The following IL1RAPL1 variants were observed in gnomAD, a reference collection of about 807,000 sequenced individuals.
IL1RAPL1 encodes interleukin-1 receptor accessory protein-like 1.
A neutral mutation model predicts 48.4 loss-of-function variants in IL1RAPL1; 3 were observed. The ratio of observed to expected loss-of-function variants is 0.06; its 90% CI spans 0.03 to 0.16. The LOEUF (loss-of-function observed/expected upper bound fraction) is 0.16. IL1RAPL1 is among the 10% of genes least tolerant of loss of function. IL1RAPL1 has a pLI of 1.00. For missense variants in IL1RAPL1, 349 were observed against 530.6 expected, an observed-to-expected ratio of 0.66 and a Z score of 3.36; for synonymous variants, 185 against 187.7, an observed-to-expected ratio of 0.99 and a Z score of 0.12.
intron 3 of IL1RAPL1, among the ~76,000 whole-genome samples, chrX:29,388,501 A>T (rs763234712): frequency 8.9e-6 from 1 of 112,416 alleles, no homozygotes; most frequent in Non-Finnish European, 1.9e-5. Context: ...CATTATTCAC[A>T]ATAGCTAAAA....
intron 1 of IL1RAPL1, among the ~76,000 whole-genome samples, chrX:28,620,138 A>C (rs1934269738): frequency 9.1e-6 from 1 of 110,377 alleles, no homozygotes; most frequent in South Asian, 3.8e-4. Flanking sequence ...GACCATAGGC[A>C]CTCTCTTTCC....
At chrX:29,657,986 AT>A (rs1376561830) in intron 5 of IL1RAPL1, among the ~76,000 whole-genome samples, 5 of 110,498 alleles carry the variant, frequency 4.5e-5, no homozygotes, top group African/African-American at 6.6e-5. Flanking sequence ...TTTTCTCACC[AT>A]TTTTTCTTTA....
At chrX:29,940,918 T>C (rs1403605370) in intron 8 of IL1RAPL1, among the ~76,000 whole-genome samples, 1 of 111,437 alleles carries the variant, frequency 9.0e-6, no homozygotes, top group African/African-American at 3.2e-5. Flanking sequence ...ATTCATATAC[T>C]GTCCCATCCA....
intron 2 of IL1RAPL1, among the ~76,000 whole-genome samples, chrX:29,236,700 C>A (rs1468103658): frequency 9.7e-6 from 1 of 103,602 alleles, no homozygotes; most frequent in African/African-American, 3.5e-5. Context: ...GTAGCTGGGA[C>A]TACAGGCGCC....
At chrX:29,028,634 G>A (rs967275003) in intron 2 of IL1RAPL1, among the ~76,000 whole-genome samples, 3 of 111,112 alleles carry the variant, frequency 2.7e-5, no homozygotes, top group Non-Finnish European at 3.8e-5. Context: ...TTACATATGA[G>A]TGAGATCGTT....
intron 2 of IL1RAPL1, among the ~76,000 whole-genome samples, chrX:29,155,037 C>T (rs1221024069): frequency 1.6e-4 from 17 of 104,270 alleles, no homozygotes; most frequent in Middle Eastern, 5.0e-3. Context: ...GACAGAGTTT[C>T]GCTCTTGTTG....
chrX:29,057,923 AC>A (rs1927256946), intron 2 of IL1RAPL1, among the ~76,000 whole-genome samples: 1 of 111,207 alleles, frequency 9.0e-6, no homozygotes, highest in South Asian at 3.7e-4. Context: ...CATTCTCAAA[AC>A]CCTGTTCCCT....
intron 2 of IL1RAPL1, among the ~76,000 whole-genome samples, chrX:29,169,679 A>G (rs1447774895): frequency 9.0e-6 from 1 of 110,958 alleles, no homozygotes; most frequent in Non-Finnish European, 1.9e-5. Flanking sequence ...TTTTAATGAA[A>G]ATAACTACCA....
At chrX:29,324,126 A>G (rs1211197398) in intron 3 of IL1RAPL1, among the ~76,000 whole-genome samples, 1 of 110,174 alleles carries the variant, frequency 9.1e-6, no homozygotes, top group Non-Finnish European at 1.9e-5. Context: ...GTGTTTTCTC[A>G]TGACTTCTTA....
intron 2 of IL1RAPL1, among the ~76,000 whole-genome samples, chrX:29,197,955 G>A (rs945304702): frequency 2.4e-4 from 26 of 110,543 alleles, no homozygotes; most frequent in Admixed American, 3.9e-4. Flanking sequence ...GTGATCCACC[G>A]GTCTCGGCCT....
chrX:28,679,065 G>T (rs1431066582), intron 1 of IL1RAPL1, among the ~76,000 whole-genome samples: 1 of 111,803 alleles, frequency 8.9e-6, no homozygotes, highest in African/African-American at 3.3e-5. Context: ...CAGTGTGCAA[G>T]GGTCCCCTTT....
chrX:29,414,318 T>C (rs926266140), intron 5 of IL1RAPL1, among the ~76,000 whole-genome samples: 4 of 112,312 alleles, frequency 3.6e-5, no homozygotes, highest in Middle Eastern at 4.6e-3. Flanking sequence ...CATTTAATTG[T>C]ACACTTAAAA....
At chrX:29,357,556 C>T (rs997199016) in intron 3 of IL1RAPL1, among the ~76,000 whole-genome samples, 1 of 112,158 alleles carries the variant, frequency 8.9e-6, no homozygotes, top group African/African-American at 3.2e-5. Context: ...TCCAAATAAA[C>T]AGCCCCGTAA....
chrX:29,284,602 G>A (rs1170996459), intron 3 of IL1RAPL1, among the ~76,000 whole-genome samples: 2 of 111,271 alleles, frequency 1.8e-5, no homozygotes, highest in Admixed American at 9.5e-5. Context: ...AAAATTAGCC[G>A]AGGATGGTGG....
intron 2 of IL1RAPL1, among the ~76,000 whole-genome samples, chrX:28,935,846 A>G (rs138183870): frequency 6.2e-5 from 7 of 112,082 alleles, no homozygotes; most frequent in African/African-American, 2.3e-4. Flanking sequence ...ATCTGATGCC[A>G]AGTATAGACT....
At chrX:29,557,041 T>C (rs1922025753) in intron 5 of IL1RAPL1, among the ~76,000 whole-genome samples, 1 of 112,097 alleles carries the variant, frequency 8.9e-6, no homozygotes, top group South Asian at 3.7e-4. Flanking sequence ...AAAAATATTA[T>C]AGTACTTCAG....
chrX:29,909,225 A>G (rs1378744712), intron 6 of IL1RAPL1, among the ~76,000 whole-genome samples: 2 of 110,936 alleles, frequency 1.8e-5, no homozygotes, highest in African/African-American at 3.3e-5. Context: ...AAAATAAAAT[A>G]AAAAATTAGC....
Position 28,971,876 on chromosome X carries a change from T to TTGTGTGTGTGTG in IL1RAPL1, c.82+182481_82+182492dup, listed in dbSNP as rs3066657. Among the ~76,000 whole-genome samples, 573 of 84,468 alleles carry TTGTGTGTGTGTG rather than the reference T, an allele frequency of 6.8e-3. 3 individuals are homozygous for TTGTGTGTGTGTG. Among genetic ancestry groups the TTGTGTGTGTGTG allele is most frequent in the African/African-American group, 0.012 (256 of 21,906 alleles). The allele number at this position is 84,468 out of a possible 115,157, so 73.4% of individuals were successfully genotyped here. ...GACAGAAAACAAATAACTCTGAAAA[T>TTGTGTGTGTGTG]TGTGTGTGTGTGTGTGTGTGTGTGT... On this transcript the variant is annotated intron_variant, in intron 2 of 10. Coordinates refer to ENST00000378993, the MANE Select transcript of IL1RAPL1 (RefSeq NM_014271.4).
At chrX:28,902,682 T>C (rs5985930) in intron 2 of IL1RAPL1, among the ~76,000 whole-genome samples, 46,726 of 110,510 alleles carry the variant, frequency 0.42, 7,120 homozygotes, top group Middle Eastern at 0.58. Context: ...ACTTTTTTAT[T>C]ACTCATGGCT....
Sources: gnomAD v4.1 joint callset for allele counts (sites outside exome capture counted in the v4.1 genomes callset) on GRCh38, gnomAD v4.1.1 for gene constraint, MANE v1.5 for transcripts, NCBI Gene and HGNC (gene_info 2026-07-23, HGNC 2026-07-21) for gene names.